ALDH6A1: variants seen among roughly 807,000 people sequenced by gnomAD.
The protein encoded by ALDH6A1 is methylmalonate-semialdehyde/malonate-semialdehyde dehydrogenase [acylating], mitochondrial.
ALDH6A1 carries 43 observed loss-of-function variants against 62.6 expected under a neutral mutation model. The observed-to-expected ratio is 0.69, with a 90% CI of 0.54 to 0.89. The LOEUF (loss-of-function observed/expected upper bound fraction) is 0.89, where lower values mean the gene tolerates loss of function less well. Ranked by LOEUF, ALDH6A1 falls within the 40% of genes least tolerant of loss-of-function variation. The pLI is 0.00. For synonymous variants in ALDH6A1, 194 were observed against 234.2 expected, an observed-to-expected ratio of 0.83 and a Z score of 1.57; for missense variants, 551 against 661.3, an observed-to-expected ratio of 0.83 and a Z score of 1.83.
intron 11 of ALDH6A1, among the ~76,000 whole-genome samples, chr14:74,062,589 A>G (rs528473787): frequency 1.1e-4 from 16 of 152,286 alleles, no homozygotes; most frequent in Admixed American, 9.2e-4. Flanking sequence ...TGACAGAGAA[A>G]GATTCCATCA....
chr14:74,069,040 A>G, intron 6 of ALDH6A1, 59 bp from the exon 7 acceptor site: 2 of 1,584,082 alleles, frequency 1.3e-6, no homozygotes, highest in Non-Finnish European at 1.7e-6. Context: ...CAACATGGCA[A>G]ATTTCCCCTT....
intron 7 of ALDH6A1, among the ~76,000 whole-genome samples, chr14:74,068,478 C>T (rs921112888): frequency 1.3e-5 from 2 of 151,204 alleles, no homozygotes. Flanking sequence ...GTAAGGCTTA[C>T]GCCTGTAATC....
chr14:74,062,051 G>GA (rs369414700), intron 11 of ALDH6A1, among the ~76,000 whole-genome samples: 5,737 of 59,326 alleles, frequency 0.097, 582 homozygotes, highest in South Asian at 0.16. Context: ...TCTCTACTGG[G>GA]AAAAAAAAAA....
chr14:74,071,611 G>A, intron 5 of ALDH6A1, 114 bp from the exon 6 acceptor site: 9 of 1,586,444 alleles, frequency 5.7e-6, no homozygotes, highest in Non-Finnish European at 7.7e-6. Flanking sequence ...GGGGTGCAGG[G>A]TACACTGACT....
In ALDH6A1 at chr14:74,057,625, C is replaced by A; in HGVS notation, c.*3017G>T. ...GTCATTACAACCTAGAGGACAAAGG[C>A]TTATAAGGAGATATGAAATGATTTT... On this transcript the variant is annotated 3_prime_UTR_variant, in exon 12 of 12. Coordinates refer to ENST00000553458, the MANE Select transcript of ALDH6A1 (RefSeq NM_005589.4). 3.7e-6 allele frequency: 5 copies of A among 1,336,298 alleles called. No individual in the cohort carries two copies. Among genetic ancestry groups the A allele is most frequent in the Admixed American group, 2.3e-5 (1 of 43,778 alleles). The allele number at this position is 1,336,298 out of a possible 1,614,324, so 82.8% of individuals were successfully genotyped here. A position where few individuals can be genotyped will look rare whatever the true frequency, so the allele number is the denominator to read the frequency against.
intron 6 of ALDH6A1, 179 bp downstream of exon 6, chr14:74,071,015 TC>T (rs1357387198): frequency 1.5e-6 from 1 of 674,478 alleles, no homozygotes. Flanking sequence ...GCACTGCTAT[TC>T]CCCAATCAGT....
rs1172191738 is a variant in ALDH6A1, at chr14:74,074,133, C to T, written c.111+822G>A. ...CCAGGCAGCTGGGACCATAGGTACG[C>T]ACCACCACGCCTGGCTAATTTTTTG... On this transcript the variant is annotated intron_variant, in intron 2 of 11. Transcript: ENST00000553458. 3.3e-5 allele frequency among the ~76,000 whole-genome samples: 5 copies of T among 151,444 alleles called. No homozygotes were observed. In the South Asian group the frequency reaches 6.3e-4, roughly 19 times the overall value.
Position 74,057,065 on chromosome 14 carries a change from T to TA in ALDH6A1, c.*3576dup. The TA allele has an allele frequency of 6.3e-7, 1 of 1,593,692 alleles. No homozygotes were observed. The highest frequency in any genetic ancestry group is 8.6e-7 in the Non-Finnish European group (1 of 1,165,538). On this transcript the variant is annotated 3_prime_UTR_variant, in exon 12 of 12. Transcript: ENST00000553458. Reference sequence around the variant, plus strand: ...TCTTGAATGTGCTAATTGAAAGTAATATGACAAGTCTGTTATTCTAAACCA... The same window carrying TA: ...TCTTGAATGTGCTAATTGAAAGTAATAATGACAAGTCTGTTATTCTAAACCA...
chr14:74,080,504 A>G (rs1308733590), intron 1 of ALDH6A1, among the ~76,000 whole-genome samples: 1 of 151,606 alleles, frequency 6.6e-6, no homozygotes. Context: ...AGTACCTGGG[A>G]CCACAGGTGC....
chr14:74,075,834 T>A (rs3926373), intron 1 of ALDH6A1, among the ~76,000 whole-genome samples: 4 of 151,992 alleles, frequency 2.6e-5, no homozygotes, highest in African/African-American at 7.3e-5. Context: ...ACCCAATGTC[T>A]ACCATTGGAT....
Position 74,060,614 on chromosome 14 carries a change from A to T in ALDH6A1, c.*28T>A, listed in dbSNP as rs745993452. 3.4e-6 allele frequency: 5 copies of T among 1,459,600 alleles called. No homozygotes were observed. The highest frequency in any genetic ancestry group is 4.8e-6 in the Non-Finnish European group (5 of 1,039,146). The allele number at this position is 1,459,600 out of a possible 1,614,324, so 90.4% of individuals were successfully genotyped here. ...CAAAAATAAAGGGAGATTACTCAGG[A>T]TGGAGTCAGTCTTAAACAAACTTGT... On this transcript the variant is annotated 3_prime_UTR_variant, in exon 12 of 12. Transcript: ENST00000553458.
intron 2 of ALDH6A1, 21 bp from the exon 3 acceptor site, chr14:74,072,632 A>C: frequency 6.2e-7 from 1 of 1,611,318 alleles, no homozygotes; most frequent in East Asian, 2.2e-5. Flanking sequence ...CAAACAAACA[A>C]ACAAACAAAC....
chr14:74,072,926 A>T (rs1015286734), intron 2 of ALDH6A1, among the ~76,000 whole-genome samples: 5 of 151,426 alleles, frequency 3.3e-5, no homozygotes, highest in Non-Finnish European at 5.9e-5. Context: ...CAGCCCTTCG[A>T]GTAGCTGAGA....
Position 74,060,408 on chromosome 14 carries a change from G to A in ALDH6A1, c.*234C>T, listed in dbSNP as rs117311919. 1.6e-3 allele frequency: 837 copies of A among 520,218 alleles called. 2 individuals are homozygous for A. The highest frequency in any genetic ancestry group is 2.0e-3 in the Non-Finnish European group (582 of 287,594). 32.2% of individuals were successfully genotyped at this position (520,218 alleles called of 1,614,324 possible). A position where few individuals can be genotyped will look rare whatever the true frequency, so the allele number is the denominator to read the frequency against. ...ACTACTTTCAGATAAGCATTTCATA[G>A]TTACAACAGTTACCTCAAAATAGAA... On this transcript the variant is annotated 3_prime_UTR_variant, in exon 12 of 12. Coordinates refer to ENST00000553458, the MANE Select transcript of ALDH6A1 (RefSeq NM_005589.4).
intron 6 of ALDH6A1, 152 bp downstream of exon 6, chr14:74,071,043 G>A: frequency 1.2e-6 from 1 of 820,204 alleles, no homozygotes; most frequent in Non-Finnish European, 2.0e-6. Flanking sequence ...GGCGCACAAA[G>A]ATGGCAAAAT....
In ALDH6A1 at chr14:74,071,493, C is replaced by T. The variant is rs201358627; in HGVS notation, c.432G>A (p.Val144=). Residue 144 remains valine, a synonymous_variant, in exon 6 of 12, where the codon GTG becomes GTA. Coordinates refer to ENST00000553458, the MANE Select transcript of ALDH6A1 (RefSeq NM_005589.4). ...ATGTCACACTACAGGCATGCTCAACCACCTCTGGAACACAGAAGTCAGGCC... is the reference window on the plus strand; with the variant it reads ...ATGTCACACTACAGGCATGCTCAACTACCTCTGGAACACAGAAGTCAGGCC... The part of the protein sequence containing the change: ...AEGDVFRGLQ[V]VEHACSVTSL... 4.8e-4 allele frequency: 781 copies of T among 1,613,830 alleles called. 3 individuals are homozygous for T. Among genetic ancestry groups the T allele is most frequent in the Non-Finnish European group, 4.1e-5 (48 of 1,180,030 alleles).
chr14:74,073,227 C>T (rs1309505690), intron 2 of ALDH6A1, among the ~76,000 whole-genome samples: 2 of 152,132 alleles, frequency 1.3e-5, no homozygotes, highest in Non-Finnish European at 2.9e-5. Context: ...CCTCAGCCTC[C>T]TGAGCAGCTG....
intron 11 of ALDH6A1, among the ~76,000 whole-genome samples, chr14:74,062,887 C>G (rs1317497554): frequency 6.6e-6 from 1 of 152,220 alleles, no homozygotes; most frequent in East Asian, 1.9e-4. Context: ...CAAAATGGCT[C>G]TAGTCCTATG....
intron 9 of ALDH6A1, 62 bp from the exon 10 acceptor site, chr14:74,065,422 T>C: frequency 6.8e-7 from 1 of 1,479,078 alleles, no homozygotes; most frequent in Non-Finnish European, 9.4e-7. Context: ...ATTTTATGCT[T>C]ATTTGGTACT....
Sources: gnomAD v4.1 joint callset for allele counts (sites outside exome capture counted in the v4.1 genomes callset) on GRCh38, gnomAD v4.1.1 for gene constraint, MANE v1.5 for transcripts, NCBI Gene and HGNC (gene_info 2026-07-23, HGNC 2026-07-21) for gene names.